SIRT2: variants seen among roughly 807,000 people sequenced by gnomAD.
SIRT2 encodes NAD-dependent protein deacetylase sirtuin-2.
SIRT2 carries 40 observed loss-of-function variants against 57.4 expected under a neutral mutation model. The ratio of observed to expected loss-of-function variants is 0.70; its 90% CI spans 0.54 to 0.91. SIRT2 has a LOEUF of 0.91. Ranked by LOEUF, SIRT2 falls within the 40% of genes least tolerant of loss-of-function variation. The pLI is 0.00. For missense variants in SIRT2, 439 were observed against 510.4 expected, an observed-to-expected ratio of 0.86 and a Z score of 1.35; for synonymous variants, 161 against 195.7, an observed-to-expected ratio of 0.82 and a Z score of 1.48.
chr19:38,883,426 C>T (rs1973220209), intron 9 of SIRT2, among the ~76,000 whole-genome samples: 2 of 152,128 alleles, frequency 1.3e-5, no homozygotes, highest in Admixed American at 1.3e-4. Context: ...GACAGGAAAT[C>T]AGGCAGTTGG....
Position 38,879,044 on chromosome 19 carries a change from G to A in SIRT2, c.*111C>T. The A allele has an allele frequency of 8.5e-7, 1 of 1,180,844 alleles. No individual in the cohort carries two copies. The allele number at this position is 1,180,844 out of a possible 1,614,324, so 73.1% of individuals were successfully genotyped here. A position where few individuals can be genotyped will look rare whatever the true frequency, so the allele number is the denominator to read the frequency against. On this transcript the variant is annotated 3_prime_UTR_variant, in exon 16 of 16. Transcript: ENST00000249396. ...TTGGGGAGGGAGCTGTAAGAGATTG[G>A]GGGATGTTCTGAGCTCCCCAGACAA...
chr19:38,890,240 C>G, intron 4 of SIRT2, 96 bp from the exon 5 acceptor site: 1 of 1,297,378 alleles, frequency 7.7e-7, no homozygotes, highest in South Asian at 1.2e-5. Context: ...TACTCCATGC[C>G]AGGCCCTGGG....
rs745640175 is a variant in SIRT2 at position 38,898,366 on chromosome 19, TC to T, written c.63+12del. ...CGTCTCTCTCCTCCCCTCCACCCTT[TC>T]CCCCATCTCACCTGAGCCTCCTGCA... On this transcript the variant is annotated intron_variant, in intron 2 of 15. Coordinates refer to ENST00000249396, the MANE Select transcript of SIRT2 (RefSeq NM_012237.4). 2.0e-6 allele frequency: 3 copies of T among 1,495,646 alleles called. No homozygotes were observed. The highest frequency in any genetic ancestry group is 2.4e-5 in the East Asian group (1 of 42,318). 92.6% of individuals were successfully genotyped at this position (1,495,646 alleles called of 1,614,324 possible).
chr19:38,898,504 G>A lies in SIRT2; in HGVS notation c.17-79C>T, dbSNP rs1478731575. ...TAAAGGGGTTCAAATGGTCAGTGAG[G>A]GGGCAAGAACACCCACCAACCTAGT... On this transcript the variant is annotated intron_variant, in intron 1 of 15. Coordinates refer to ENST00000249396, the MANE Select transcript of SIRT2 (RefSeq NM_012237.4). The A allele has an allele frequency of 8.3e-6, 6 of 722,160 alleles. No individual in the cohort carries two copies. In the East Asian group the frequency reaches 1.7e-4, roughly 21 times the overall value. The allele number at this position is 722,160 out of a possible 1,614,324, so 44.7% of individuals were successfully genotyped here.
At chr19:38,897,714 G>A (rs190240321) in intron 2 of SIRT2, among the ~76,000 whole-genome samples, 1 of 152,224 alleles carries the variant, frequency 6.6e-6, no homozygotes, top group Non-Finnish European at 1.5e-5. Flanking sequence ...TTGTAGAGGT[G>A]GGGGCCTCCC....
At chr19:38,897,475 A>T (rs1431514863) in intron 2 of SIRT2, among the ~76,000 whole-genome samples, 4 of 151,708 alleles carry the variant, frequency 2.6e-5, no homozygotes, top group African/African-American at 7.3e-5. Flanking sequence ...TCTTTGACCC[A>T]GAAAATTTTC....
intron 2 of SIRT2, among the ~76,000 whole-genome samples, chr19:38,895,107 A>G (rs1973676282): frequency 6.8e-6 from 1 of 147,496 alleles, no homozygotes; most frequent in African/African-American, 2.5e-5. Context: ...TCAGCTCCAG[A>G]GCATGTACGC....
chr19:38,895,233 C>G (rs1301700155), intron 2 of SIRT2, among the ~76,000 whole-genome samples: 1 of 152,182 alleles, frequency 6.6e-6, no homozygotes, highest in Admixed American at 6.5e-5. Flanking sequence ...GCCTCCCAGC[C>G]TCAGTCTCCA....
chr19:38,879,533 C>A, intron 14 of SIRT2, 33 bp from the exon 15 acceptor site: 3 of 1,581,572 alleles, frequency 1.9e-6, no homozygotes, highest in Non-Finnish European at 2.6e-6. Context: ...AGTTCCCAGG[C>A]GGGCTCGCCC....
intron 8 of SIRT2, among the ~76,000 whole-genome samples, chr19:38,885,350 C>T (rs1436607227): frequency 2.0e-5 from 3 of 152,132 alleles, no homozygotes; most frequent in Non-Finnish European, 4.4e-5. Flanking sequence ...AGTGATCCTC[C>T]CACTTCAGCC....
Position 38,883,774 on chromosome 19 carries a change from G to T in SIRT2, c.502-18C>A. 1 of 1,613,508 alleles carries T rather than the reference G, an allele frequency of 6.2e-7. No individual in the cohort carries two copies. ...TCTATGTTCTAGAGGGAGAGATGGA[G>T]GGAAGAGGGGTGAGGAGTGAGCCAC... On this transcript the variant is annotated intron_variant, in intron 8 of 15. Coordinates refer to ENST00000249396, the MANE Select transcript of SIRT2 (RefSeq NM_012237.4).
chr19:38,894,138 C>T, intron 2 of SIRT2: 2 of 535,486 alleles, frequency 3.7e-6, no homozygotes, highest in Non-Finnish European at 3.2e-6. Flanking sequence ...GCTCTGTTGC[C>T]CAGGCTGGAG....
chr19:38,885,097 T>G (rs1177240370), intron 8 of SIRT2, among the ~76,000 whole-genome samples: 1 of 151,878 alleles, frequency 6.6e-6, no homozygotes, highest in Non-Finnish European at 1.5e-5. Context: ...GTTCTTTTCT[T>G]TTTTTGGAGG....
intron 10 of SIRT2, 107 bp downstream of exon 10, chr19:38,881,325 G>A: frequency 8.2e-7 from 1 of 1,213,702 alleles, no homozygotes; most frequent in Non-Finnish European, 1.2e-6. Context: ...TGTTCAGAGA[G>A]ACAGAGGTGG....
rs563953734 is a variant in SIRT2, at chr19:38,889,786, C to A, written c.376-41G>T. ...CCAGAGGGCCAGATGCCCCAGGTAG[C>A]GTGAGGGTTGGAGCCAGGTGACCCC... On this transcript the variant is annotated intron_variant, in intron 6 of 15. Coordinates refer to ENST00000249396, the MANE Select transcript of SIRT2 (RefSeq NM_012237.4). The A allele has an allele frequency of 9.9e-6, 16 of 1,614,018 alleles. No individual in the cohort carries two copies. In the Admixed American group the frequency reaches 1.8e-4, roughly 18 times the overall value.
At chr19:38,891,169 T>C (rs142995209) in intron 4 of SIRT2, among the ~76,000 whole-genome samples, 318 of 152,382 alleles carry the variant, frequency 2.1e-3, no homozygotes, top group Middle Eastern at 6.8e-3. Flanking sequence ...CTTACAGGTA[T>C]AATGTGAATA....
intron 8 of SIRT2, among the ~76,000 whole-genome samples, chr19:38,888,392 C>A (rs550656501): frequency 1.3e-5 from 2 of 151,852 alleles, no homozygotes; most frequent in South Asian, 4.2e-4. Context: ...AGGCGGGTCC[C>A]AAACGCCTGG....
At chr19:38,884,451 TG>T (rs1440057922) in intron 8 of SIRT2, among the ~76,000 whole-genome samples, 46 of 151,902 alleles carry the variant, frequency 3.0e-4, no homozygotes, top group African/African-American at 1.1e-3. Context: ...TTTGTTTGTT[TG>T]TTTGTTTGTT....
chr19:38,879,883 T>C (rs1019235831), intron 13 of SIRT2, 181 bp from the exon 14 acceptor site: 4 of 593,494 alleles, frequency 6.7e-6, no homozygotes, highest in African/African-American at 5.6e-5. Context: ...TGGAGTGCAA[T>C]GATGTGATCT....
Sources: allele counts gnomAD v4.1 joint callset (sites outside exome capture counted in the v4.1 genomes callset), GRCh38; gene constraint gnomAD v4.1.1; transcripts MANE v1.5; gene names NCBI Gene and HGNC (gene_info 2026-07-23, HGNC 2026-07-21).